Variants in SPECC1L observed in about 807,000 individuals in gnomAD.
SPECC1L encodes sperm antigen with calponin homology and coiled-coil domains 1 like, also known as cytospin-A.
A neutral mutation model predicts 116.8 loss-of-function variants in SPECC1L; 40 were observed. The observed-to-expected ratio is 0.34, with a 90% confidence interval of 0.27 to 0.45. The LOEUF is 0.45. Ranked by LOEUF, SPECC1L falls within the 20% of genes least tolerant of loss-of-function variation. The pLI is 1.00. For missense variants in SPECC1L, 1,110 were observed against 1,373.6 expected, an observed-to-expected ratio of 0.81 and a Z score of 3.03; for synonymous variants, 504 against 500.6, an observed-to-expected ratio of 1.01 and a Z score of -0.09.
At position 24,322,496 on chromosome 22, in the gene SPECC1L, C is replaced by T. The variant is rs1601553045; in HGVS notation, c.1516C>T (p.Arg506Trp). The change falls in exon 5 of 17, where the codon CGG becomes TGG. Residue 506 changes from arginine (R) to tryptophan (W), a missense_variant. By Grantham distance (101) the Arg-to-Trp change is moderately radical. Around this residue, in one of 4 missense-constraint regions of SPECC1L, gnomAD observed 575 missense variants for 682.4 expected, o/e 0.84. Coordinates refer to ENST00000314328, the MANE Select transcript of SPECC1L (RefSeq NM_015330.6). ...MDLAENARFE[R>W]EQLLGVQQHL... ...CCTCGCTGAGAATGCCCGTTTTGAACGGGAGCAGCTTCTTGGTGTCCAGCA... is the reference window on the plus strand; with the variant it reads ...CCTCGCTGAGAATGCCCGTTTTGAATGGGAGCAGCTTCTTGGTGTCCAGCA... 3.1e-6 allele frequency: 5 copies of T among 1,614,084 alleles called. No homozygotes were observed. Among genetic ancestry groups the T allele is most frequent in the Non-Finnish European group, 4.2e-6 (5 of 1,180,020 alleles).
chr22:24,276,230 A>G (rs80218242), intron 1 of SPECC1L, among the ~76,000 whole-genome samples: 2 of 151,864 alleles, frequency 1.3e-5, no homozygotes, highest in African/African-American at 2.4e-5. Context: ...ACATTTTATA[A>G]TTAGCCAGGT....
rs540803160 is a variant in SPECC1L, at chr22:24,289,121, A to G, written c.-38+12318A>G. ...TTGTGCAAGTTTAAACTGCCTGCCA[A>G]GAGTCTGAGCATAAAGCTGTGGTTT... On this transcript the variant is annotated intron_variant, in intron 2 of 16. Coordinates refer to ENST00000314328, the MANE Select transcript of SPECC1L (RefSeq NM_015330.6). Among the ~76,000 whole-genome samples the G allele has an allele frequency of 9.2e-5, 14 of 152,344 alleles. No homozygotes were observed. The East Asian group carries it at 2.7e-3, about 29-fold the overall frequency.
chr22:24,409,874 A>G (rs1438168912), intron 14 of SPECC1L, among the ~76,000 whole-genome samples: 1 of 152,138 alleles, frequency 6.6e-6, no homozygotes, highest in Non-Finnish European at 1.5e-5. Context: ...AAAAACAAAC[A>G]AAATTAGCTG....
intron 6 of SPECC1L, among the ~76,000 whole-genome samples, chr22:24,325,862 G>C (rs532191250): frequency 5.3e-4 from 80 of 152,270 alleles, no homozygotes; most frequent in African/African-American, 1.6e-3. Context: ...GATGTGTCAT[G>C]TCCTTTGTGA....
chr22:24,280,512 C>G (rs2048920681), intron 2 of SPECC1L, among the ~76,000 whole-genome samples: 1 of 150,972 alleles, frequency 6.6e-6, no homozygotes, highest in Non-Finnish European at 1.5e-5. Context: ...TCAACTCCAT[C>G]ATTGTAGTGC....
At chr22:24,391,332 C>CA (rs763836700) in intron 14 of SPECC1L, among the ~76,000 whole-genome samples, 2 of 152,192 alleles carry the variant, frequency 1.3e-5, no homozygotes, top group Non-Finnish European at 2.9e-5. Context: ...GTACTTACTG[C>CA]ATTCTGTTTA....
intron 3 of SPECC1L, among the ~76,000 whole-genome samples, chr22:24,303,847 GTGTGTGT>G: frequency 3.8e-5 from 1 of 26,466 alleles, no homozygotes; most frequent in African/African-American, 8.2e-5. Context: ...TAAATAGGGT[GTGTGTGT>G]GTGTGTGTGT....
intron 10 of SPECC1L, chr22:24,343,369 A>G (rs2041219441): frequency 5.4e-6 from 2 of 372,198 alleles, no homozygotes; most frequent in South Asian, 4.0e-5. Context: ...GTGATAAGAA[A>G]CTCTTAAGGA....
intron 14 of SPECC1L, among the ~76,000 whole-genome samples, chr22:24,381,618 C>G (rs1408345039): frequency 6.6e-6 from 1 of 152,124 alleles, no homozygotes; most frequent in Non-Finnish European, 1.5e-5. Context: ...GGCGTGGTGG[C>G]TCATGCCTGT....
At chr22:24,313,756 T>C (rs1222890939) in intron 4 of SPECC1L, among the ~76,000 whole-genome samples, 1 of 151,522 alleles carries the variant, frequency 6.6e-6, no homozygotes, top group Non-Finnish European at 1.5e-5. Context: ...TTTTTTTTTT[T>C]TTTTGAGACA....
At chr22:24,301,692 A>G (rs1216062639) in intron 2 of SPECC1L, among the ~76,000 whole-genome samples, 1 of 152,162 alleles carries the variant, frequency 6.6e-6, no homozygotes, top group Non-Finnish European at 1.5e-5. Flanking sequence ...AAACATTGTA[A>G]AGTTTAAAAA....
chr22:24,289,915 G>A (rs976325586), intron 2 of SPECC1L, among the ~76,000 whole-genome samples: 1 of 152,134 alleles, frequency 6.6e-6, no homozygotes, highest in Non-Finnish European at 1.5e-5. Context: ...AAACGACAAT[G>A]GCAACATCAA....
At chr22:24,395,682 G>T (rs1279699158) in intron 14 of SPECC1L, among the ~76,000 whole-genome samples, 1 of 152,138 alleles carries the variant, frequency 6.6e-6, no homozygotes, top group Admixed American at 6.5e-5. Context: ...CTGTCTCCCA[G>T]GCTGGAGTGC....
At chr22:24,353,992 C>T (rs1388219542) in intron 11 of SPECC1L, among the ~76,000 whole-genome samples, 1 of 152,226 alleles carries the variant, frequency 6.6e-6, no homozygotes, top group Admixed American at 6.5e-5. Context: ...CCAGCATCCG[C>T]TCAGCTTCTG....
At chr22:24,306,771 A>G (rs1314090854) in intron 3 of SPECC1L, among the ~76,000 whole-genome samples, 2 of 152,180 alleles carry the variant, frequency 1.3e-5, no homozygotes, top group Non-Finnish European at 2.9e-5. Context: ...TCATCTTGCT[A>G]AACTGAATCT....
chr22:24,375,956 AAC>A (rs2041963022), intron 14 of SPECC1L, among the ~76,000 whole-genome samples: 1 of 151,492 alleles, frequency 6.6e-6, no homozygotes, highest in Non-Finnish European at 1.5e-5. Flanking sequence ...TCTCAAAACA[AAC>A]AAACAAACAA....
Position 24,416,573 on chromosome 22 carries a change from C to T in SPECC1L, c.*1950C>T, listed in dbSNP as rs1451475062. 1.3e-5 allele frequency: 2 copies of T among 152,324 alleles called. No homozygotes were observed. The highest frequency in any genetic ancestry group is 2.9e-5 in the Non-Finnish European group (2 of 68,084). The allele number at this position is 152,324 out of a possible 1,614,324, so 9.4% of individuals were successfully genotyped here. Reference sequence around the variant, plus strand: ...ATTTGCCTTCACAGAGGCCACTCCACCTGTCCGGATCCAGCTGTCTGGTCA... The same window carrying T: ...ATTTGCCTTCACAGAGGCCACTCCATCTGTCCGGATCCAGCTGTCTGGTCA... On this transcript the variant is annotated 3_prime_UTR_variant, in exon 17 of 17. Coordinates refer to ENST00000314328, the MANE Select transcript of SPECC1L (RefSeq NM_015330.6).
intron 2 of SPECC1L, among the ~76,000 whole-genome samples, chr22:24,288,153 G>A (rs535786737): frequency 1.3e-5 from 2 of 152,202 alleles, no homozygotes; most frequent in African/African-American, 4.8e-5. Flanking sequence ...CCTTTTTTAC[G>A]GAACGATTTA....
At chr22:24,346,445 GATTT>G (rs2041297540) in intron 10 of SPECC1L, among the ~76,000 whole-genome samples, 1 of 152,228 alleles carries the variant, frequency 6.6e-6, no homozygotes, top group Non-Finnish European at 1.5e-5. Context: ...GCAGAATTGA[GATTT>G]ATTTGAACCA....
Sources: gnomAD v4.1 joint callset for allele counts (sites outside exome capture counted in the v4.1 genomes callset) on GRCh38, gnomAD v4.1.1 for gene constraint, gnomAD v4.1.1 regional missense constraint, MANE v1.5 for transcripts, NCBI Gene and HGNC (gene_info 2026-07-23, HGNC 2026-07-21) for gene names.